CNTN3: variants seen among roughly 807,000 people sequenced by gnomAD.
The protein encoded by CNTN3 is contactin 3.
In CNTN3, 60 loss-of-function variants were observed where a neutral mutation model predicts 119.1. The observed-to-expected ratio is 0.50, with a 90% CI of 0.41 to 0.62. The LOEUF (loss-of-function observed/expected upper bound fraction) is 0.62. CNTN3 is among the 20% of genes least tolerant of loss of function. The probability of loss-of-function intolerance (pLI) is 0.00; values close to 1 mark genes in which losing one functional copy is unlikely to be tolerated. For missense variants in CNTN3, 1,101 were observed against 1,242.4 expected (o/e 0.89, Z 1.71); for synonymous variants, 450 against 438.7 (o/e 1.03, Z -0.32).
intron 1 of CNTN3, among the ~76,000 whole-genome samples, chr3:74,609,265 C>T (rs886955689): frequency 6.6e-6 from 1 of 152,060 alleles, no homozygotes; most frequent in African/African-American, 2.4e-5. Context: ...GTCCAGTGAC[C>T]CAAGGGGTCG....
intron 4 of CNTN3, among the ~76,000 whole-genome samples, chr3:74,483,964 A>C (rs550914679): frequency 1.3e-5 from 2 of 152,258 alleles, no homozygotes; most frequent in Non-Finnish European, 2.9e-5. Flanking sequence ...TTCTCTTACA[A>C]GTCATACTTT....
chr3:74,610,600 C>A (rs1257055404), intron 1 of CNTN3, among the ~76,000 whole-genome samples: 1 of 151,810 alleles, frequency 6.6e-6, no homozygotes, highest in East Asian at 1.9e-4. Flanking sequence ...ATTCTGAGTT[C>A]AATGAAAAGC....
At chr3:74,363,543 C>T (rs749712427) in intron 10 of CNTN3, among the ~76,000 whole-genome samples, 2 of 152,084 alleles carry the variant, frequency 1.3e-5, no homozygotes, top group Non-Finnish European at 1.5e-5. Context: ...TCATGCAGGG[C>T]CTTATCACTT....
chr3:74,285,169 G>A (rs1702085482), intron 20 of CNTN3, 136 bp downstream of exon 20: 1 of 927,678 alleles, frequency 1.1e-6, no homozygotes, highest in Non-Finnish European at 1.6e-6. Flanking sequence ...GGGTTTTGGA[G>A]TTAGGTTTTG....
At chr3:74,462,880 G>A (rs1044129908) in intron 4 of CNTN3, among the ~76,000 whole-genome samples, 6 of 152,072 alleles carry the variant, frequency 3.9e-5, no homozygotes, top group Non-Finnish European at 5.9e-5. Flanking sequence ...GAAACAATCA[G>A]CATCTCTAAT....
intron 4 of CNTN3, among the ~76,000 whole-genome samples, chr3:74,445,071 G>A (rs373641827): frequency 5.9e-5 from 9 of 152,028 alleles, no homozygotes; most frequent in African/African-American, 9.7e-5. Context: ...CAACTACTGC[G>A]GTATTGCTCC....
intron 1 of CNTN3, among the ~76,000 whole-genome samples, chr3:74,521,794 A>C (rs1703547353): frequency 6.6e-6 from 1 of 151,822 alleles, no homozygotes; most frequent in East Asian, 1.9e-4. Context: ...TAATTTTCAT[A>C]AACTTGAATA....
At chr3:74,387,140 T>A (rs1704770337) in intron 5 of CNTN3, among the ~76,000 whole-genome samples, 1 of 152,166 alleles carries the variant, frequency 6.6e-6, no homozygotes. Flanking sequence ...CTATGGCCAA[T>A]CAGATTGAAT....
In CNTN3 at chr3:74,471,919, G is replaced by A. The variant is rs751765777; in HGVS notation, c.358+14537C>T. Among the ~76,000 whole-genome samples the A allele has an allele frequency of 5.3e-5, 8 of 152,150 alleles. No homozygotes were observed. In the South Asian group the frequency reaches 8.3e-4, roughly 16 times the overall value. On this transcript the variant is annotated intron_variant, in intron 4 of 22. Coordinates refer to ENST00000263665, the MANE Select transcript of CNTN3 (RefSeq NM_020872.3). ...CATGAAAACAAGGACGTTCCTAAAT[G>A]CTCAGCCTTTTGTGAAGAGTCCGAC...
chr3:74,481,124 C>G (rs1179040114), intron 4 of CNTN3, among the ~76,000 whole-genome samples: 1 of 151,528 alleles, frequency 6.6e-6, no homozygotes, highest in Admixed American at 6.6e-5. Flanking sequence ...AAATAATTGA[C>G]TAAATACATA....
intron 10 of CNTN3, among the ~76,000 whole-genome samples, chr3:74,362,822 C>T (rs936686406): frequency 3.3e-5 from 5 of 152,020 alleles, no homozygotes; most frequent in Admixed American, 6.6e-5. Context: ...CAAGTGAATA[C>T]AATTTATTTA....
chr3:74,425,931 T>C (rs549451091), intron 4 of CNTN3, among the ~76,000 whole-genome samples: 12 of 152,254 alleles, frequency 7.9e-5, no homozygotes, highest in African/African-American at 2.6e-4. Flanking sequence ...CTTTTATTTA[T>C]AGCGGCTAAA....
intron 1 of CNTN3, among the ~76,000 whole-genome samples, chr3:74,570,625 G>C (rs1704298415): frequency 6.6e-6 from 1 of 151,402 alleles, no homozygotes; most frequent in Admixed American, 6.6e-5. Flanking sequence ...GAATAAAACT[G>C]ATTATGTTAC....
At chr3:74,380,938 A>G (rs1417632824) in intron 5 of CNTN3, among the ~76,000 whole-genome samples, 1 of 152,024 alleles carries the variant, frequency 6.6e-6, no homozygotes, top group Non-Finnish European at 1.5e-5. Context: ...TAAAATGTCC[A>G]TTTTCACTGG....
chr3:74,431,146 G>T (rs1701777144), intron 4 of CNTN3, among the ~76,000 whole-genome samples: 1 of 152,120 alleles, frequency 6.6e-6, no homozygotes, highest in South Asian at 2.1e-4. Flanking sequence ...TATTGGGCCA[G>T]GTTTTCTATT....
intron 4 of CNTN3, among the ~76,000 whole-genome samples, chr3:74,479,875 G>C (rs1158359937): frequency 6.6e-6 from 1 of 151,992 alleles, no homozygotes. Flanking sequence ...ATACCTGAGA[G>C]GACATCCAAA....
chr3:74,545,020 A>G (rs1271814309), intron 1 of CNTN3, among the ~76,000 whole-genome samples: 4 of 152,194 alleles, frequency 2.6e-5, no homozygotes, highest in Admixed American at 6.5e-5. Flanking sequence ...GCAATATGAC[A>G]AAAGTTCTAG....
intron 2 of CNTN3, among the ~76,000 whole-genome samples, chr3:74,510,038 T>G (rs1703337486): frequency 1.3e-5 from 1 of 74,360 alleles, no homozygotes; most frequent in East Asian, 2.7e-4. Flanking sequence ...TACATATATA[T>G]AAGTTTTCAT....
chr3:74,595,503 G>C, intron 1 of CNTN3, among the ~76,000 whole-genome samples: 1 of 152,008 alleles, frequency 6.6e-6, no homozygotes, highest in Non-Finnish European at 1.5e-5. Context: ...GATCAAGTGG[G>C]CTTCATCCCT....
Sources: allele counts gnomAD v4.1 joint callset (sites outside exome capture counted in the v4.1 genomes callset), GRCh38; gene constraint gnomAD v4.1.1; transcripts MANE v1.5; gene names NCBI Gene and HGNC (gene_info 2026-07-23, HGNC 2026-07-21).